Variants in NAA16 observed in about 807,000 individuals in gnomAD.
NAA16 encodes NARG1-like protein.
A neutral mutation model predicts 110.3 loss-of-function variants in NAA16; 97 were observed. The observed-to-expected ratio is 0.88, with a 90% CI of 0.75 to 1.04. NAA16 has a LOEUF of 1.04. Ranked by LOEUF, NAA16 falls within the 50% of genes least tolerant of loss-of-function variation. The probability of loss-of-function intolerance (pLI) is 0.00; values close to 1 mark genes in which losing one functional copy is unlikely to be tolerated. For missense variants in NAA16, 1,017 were observed against 1,005.1 expected (o/e 1.01, Z -0.16); for synonymous variants, 372 against 330.6 (o/e 1.13, Z -1.36).
At chr13:41,349,960 C>CAA (rs71086565) in intron 9 of NAA16, among the ~76,000 whole-genome samples, 1 of 126,758 alleles carries the variant, frequency 7.9e-6, no homozygotes, top group Non-Finnish European at 1.7e-5. Context: ...GACTCCGTCT[C>CAA]AAAAAAAAAA....
intron 10 of NAA16, 38 bp downstream of exon 10, chr13:41,355,254 C>T: frequency 3.2e-6 from 4 of 1,260,744 alleles, no homozygotes. Context: ...TTTGATTACT[C>T]ATTTCATTTT....
rs1339822782 is a variant in NAA16, at chr13:41,325,680, T to A, written c.538-18T>A. On this transcript the variant is annotated intron_variant, in intron 5 of 19. Coordinates refer to ENST00000379406, the MANE Select transcript of NAA16 (RefSeq NM_024561.5). ...TATATAATTATACAAATAAAGTAAT[T>A]TGGTCATTTTTTTTCAGGTTCCTCC... 1 of 1,509,524 alleles carries A rather than the reference T, an allele frequency of 6.6e-7. No homozygotes were observed. The highest frequency in any genetic ancestry group is 1.4e-5 in the African/African-American group (1 of 71,654). The allele number at this position is 1,509,524 out of a possible 1,614,324, so 93.5% of individuals were successfully genotyped here.
Position 41,320,816 on chromosome 13 carries a change from G to T in NAA16, c.394G>T (p.Gly132Cys). The change falls in exon 4 of 20, where the codon GGT (glycine) becomes TGT (cysteine). Residue 132 changes from glycine (G) to cysteine (C), a missense_variant. Coordinates refer to ENST00000379406, the MANE Select transcript of NAA16 (RefSeq NM_024561.5). ...LLQIQMRDLEGYRETRYQLLQ... is the reference protein window; with the variant it reads ...LLQIQMRDLECYRETRYQLLQ... Reference sequence around the variant, plus strand: ...GCAGATCCAAATGAGAGACCTTGAAGGTTACCGAGTAAGTACTTCATTCTT... The same window carrying T: ...GCAGATCCAAATGAGAGACCTTGAATGTTACCGAGTAAGTACTTCATTCTT... 1 of 1,600,156 alleles carries T rather than the reference G, an allele frequency of 6.2e-7. No individual in the cohort carries two copies. The highest frequency in any genetic ancestry group is 8.5e-7 in the Non-Finnish European group (1 of 1,176,018).
At chr13:41,362,930 T>G in intron 13 of NAA16, 2 of 1,120,894 alleles carry the variant, frequency 1.8e-6, no homozygotes, top group Non-Finnish European at 2.2e-6. Flanking sequence ...ACGTGAAATT[T>G]CTGAGATTAC....
At chr13:41,312,745 A>G (rs12875955) in intron 1 of NAA16, among the ~76,000 whole-genome samples, 4,538 of 152,250 alleles carry the variant, frequency 0.03, 114 homozygotes, top group South Asian at 0.12. Flanking sequence ...GACGATAGAA[A>G]CTTCACACTT....
In NAA16 at chr13:41,359,008, G is replaced by A. The variant is rs770243424; in HGVS notation, c.1410+46G>A. On this transcript the variant is annotated intron_variant, in intron 12 of 19. Coordinates refer to ENST00000379406, the MANE Select transcript of NAA16 (RefSeq NM_024561.5). ...GCATGTAATTGTCTAAATTAAGACA[G>A]TTTGTGAAGTTTGTCTAAATTAAGA... 2.1e-6 allele frequency: 3 copies of A among 1,455,378 alleles called. No homozygotes were observed. In the South Asian group the frequency reaches 4.3e-5, roughly 21 times the overall value. The allele number at this position is 1,455,378 out of a possible 1,614,324, so 90.2% of individuals were successfully genotyped here.
chr13:41,369,178 T>C lies in NAA16; in HGVS notation c.1842T>C (p.His614=). The change falls in exon 15 of 20, where the codon CAT becomes CAC. Residue 614 remains histidine, a synonymous_variant. Coordinates refer to ENST00000379406, the MANE Select transcript of NAA16 (RefSeq NM_024561.5). ...KKAKLEEERK[H]AERERQQKNQ... is the part of the protein sequence containing the mutation. ...CTAAACTAGAAGAAGAAAGAAAGCA[T>C]GCAGAAAGAGAACGTCAACAGAAAA... 6.3e-7 allele frequency: 1 copy of C among 1,592,534 alleles called. No individual in the cohort carries two copies. The highest frequency in any genetic ancestry group is 8.5e-7 in the Non-Finnish European group (1 of 1,169,906).
chr13:41,327,481 T>A (rs2042124174), intron 6 of NAA16, among the ~76,000 whole-genome samples: 1 of 149,910 alleles, frequency 6.7e-6, no homozygotes, highest in Non-Finnish European at 1.5e-5. Flanking sequence ...AAATAGGGAA[T>A]GCAGTTAGGT....
intron 4 of NAA16, among the ~76,000 whole-genome samples, chr13:41,321,854 T>A (rs564187792): frequency 5.9e-4 from 90 of 152,342 alleles, no homozygotes; most frequent in Non-Finnish European, 1.2e-3. Flanking sequence ...TTTTGCCCTC[T>A]ACTGCCATAT....
intron 1 of NAA16, among the ~76,000 whole-genome samples, chr13:41,311,898 T>G (rs1421597917): frequency 1.3e-5 from 2 of 152,232 alleles, no homozygotes; most frequent in Admixed American, 1.3e-4. Context: ...GCTGCCGTGC[T>G]CTCTGCCGCG....
At chr13:41,343,788 G>A (rs562714364) in intron 9 of NAA16, among the ~76,000 whole-genome samples, 10 of 152,246 alleles carry the variant, frequency 6.6e-5, no homozygotes, top group South Asian at 2.1e-4. Context: ...CAGTCTGCCC[G>A]CCTTGGCCTC....
chr13:41,344,893 C>G (rs1270519889), intron 9 of NAA16, among the ~76,000 whole-genome samples: 2 of 152,314 alleles, frequency 1.3e-5, no homozygotes, highest in East Asian at 3.9e-4. Flanking sequence ...TCACAACCTT[C>G]ACGTCCCTCT....
intron 12 of NAA16, among the ~76,000 whole-genome samples, chr13:41,360,128 A>G (rs1186998707): frequency 6.6e-6 from 1 of 152,202 alleles, no homozygotes; most frequent in Non-Finnish European, 1.5e-5. Context: ...AGAGAAAAGT[A>G]CCACATGGAA....
At chr13:41,373,293 T>C (rs1490643947) in intron 17 of NAA16, 1 of 659,256 alleles carries the variant, frequency 1.5e-6, no homozygotes, top group Non-Finnish European at 1.9e-6. Context: ...AGTCTTGCTC[T>C]GTTGTCTAGG....
At chr13:41,324,363 C>CTTTTTTTTTTTTTTTT (rs71086562) in intron 5 of NAA16, among the ~76,000 whole-genome samples, 2 of 66,060 alleles carry the variant, frequency 3.0e-5, no homozygotes, top group Non-Finnish European at 5.4e-5. Flanking sequence ...TTCTTTCTTT[C>CTTTTTTTTTTTTTTTT]TTTTTTTTTT....
chr13:41,331,531 A>G (rs2042238309), intron 8 of NAA16, among the ~76,000 whole-genome samples, 162 bp downstream of exon 8: 1 of 152,134 alleles, frequency 6.6e-6, no homozygotes, highest in Non-Finnish European at 1.5e-5. Context: ...TGATACTTCA[A>G]TGTGTAGTTA....
intron 9 of NAA16, among the ~76,000 whole-genome samples, chr13:41,353,167 C>T (rs148973011): frequency 6.8e-6 from 1 of 146,154 alleles, no homozygotes; most frequent in Non-Finnish European, 1.5e-5. Flanking sequence ...GATGCATAAA[C>T]GTCCGCCCTT....
rs377573556 is a variant in NAA16 at position 41,311,784 on chromosome 13, C to G, written c.54+202C>G. Among the ~76,000 whole-genome samples, 53 of 152,230 alleles carry G rather than the reference C, an allele frequency of 3.5e-4. 1 individual carries two copies. Among genetic ancestry groups the G allele is most frequent in the Non-Finnish European group, 1.3e-4 (9 of 68,040 alleles). On this transcript the variant is annotated intron_variant, in intron 1 of 19. Transcript: ENST00000379406. ...GCCGAGCCGCTCCTCCGTGCGCTTC[C>G]TTTCCGCGGTCTTCTGCGGCTCGCC...
intron 14 of NAA16, among the ~76,000 whole-genome samples, chr13:41,368,749 A>G (rs1448170814): frequency 6.6e-6 from 1 of 152,202 alleles, no homozygotes; most frequent in Non-Finnish European, 1.5e-5. Flanking sequence ...GCAGTGTAAC[A>G]ACTATTTACA....
Sources: allele counts gnomAD v4.1 joint callset (sites outside exome capture counted in the v4.1 genomes callset), GRCh38; gene constraint gnomAD v4.1.1; transcripts MANE v1.5; gene names NCBI Gene and HGNC (gene_info 2026-07-23, HGNC 2026-07-21).